Variants in DCC observed in about 807,000 individuals in gnomAD.
DCC encodes the protein netrin receptor DCC.
DCC carries 58 observed loss-of-function variants against 172.5 expected under a neutral mutation model. The ratio of observed to expected loss-of-function variants is 0.34; its 90% CI spans 0.27 to 0.42. The LOEUF (loss-of-function observed/expected upper bound fraction) is 0.42. DCC is among the 10% of genes least tolerant of loss of function. The pLI is 1.00. For synonymous variants in DCC, 709 were observed against 644.5 expected (o/e 1.10, Z -1.52); for missense variants, 1,740 against 1,791.0 (o/e 0.97, Z 0.51).
At chr18:52,397,254 G>A (rs752079774) in intron 1 of DCC, among the ~76,000 whole-genome samples, 19 of 152,066 alleles carry the variant, frequency 1.2e-4, no homozygotes, top group African/African-American at 4.1e-4. Context: ...CTCCCAAAAC[G>A]CATACTTCTA....
intron 7 of DCC, among the ~76,000 whole-genome samples, chr18:53,142,162 C>A (rs2043840567): frequency 6.6e-6 from 1 of 152,080 alleles, no homozygotes; most frequent in South Asian, 2.1e-4. Flanking sequence ...GCATTACTCC[C>A]TAGGATGAAA....
At chr18:52,974,253 C>T (rs754512610) in intron 5 of DCC, among the ~76,000 whole-genome samples, 4 of 152,236 alleles carry the variant, frequency 2.6e-5, no homozygotes, top group South Asian at 2.1e-4. Context: ...ATATTGTTCA[C>T]GTAGGTAGCA....
chr18:53,240,042 A>C (rs140055728), intron 12 of DCC, among the ~76,000 whole-genome samples: 3,347 of 139,458 alleles, frequency 0.024, 59 homozygotes, highest in Middle Eastern at 0.04. Flanking sequence ...AAAAAAAAAA[A>C]AAAAAAAACA....
At chr18:53,055,470 C>G (rs1357873491) in intron 5 of DCC, among the ~76,000 whole-genome samples, 2 of 152,056 alleles carry the variant, frequency 1.3e-5, no homozygotes, top group African/African-American at 4.8e-5. Flanking sequence ...ATAGAAAATG[C>G]TTAGAATGAA....
chr18:53,535,202 A>G lies in DCC; in HGVS notation c.*4549A>G, dbSNP rs1360493490. 1 of 152,170 alleles carries G rather than the reference A, an allele frequency of 6.6e-6. No homozygotes were observed. The highest frequency in any genetic ancestry group is 1.5e-5 in the Non-Finnish European group (1 of 68,018). 9.4% of individuals were successfully genotyped at this position (152,170 alleles called of 1,614,324 possible). A position where few individuals can be genotyped will look rare whatever the true frequency, so the allele number is the denominator to read the frequency against. ...ACTTTTTATAAGTAATATTTAATTT[A>G]TTATTTAGAGTGGCTTCTTTTTGGA... On this transcript the variant is annotated 3_prime_UTR_variant, in exon 29 of 29. Transcript: ENST00000442544.
chr18:53,462,623 T>C (rs1358323927), intron 24 of DCC, among the ~76,000 whole-genome samples: 1 of 152,100 alleles, frequency 6.6e-6, no homozygotes, highest in Non-Finnish European at 1.5e-5. Flanking sequence ...ACTTGAATCA[T>C]CCTGAAACCG....
intron 7 of DCC, among the ~76,000 whole-genome samples, chr18:53,091,098 A>C (rs554090372): frequency 6.6e-6 from 1 of 151,982 alleles, no homozygotes; most frequent in Non-Finnish European, 1.5e-5. Flanking sequence ...CCAACTCTCT[A>C]TAGCATGTGA....
chr18:53,232,042 T>C (rs908785823), intron 12 of DCC, among the ~76,000 whole-genome samples: 3 of 152,136 alleles, frequency 2.0e-5, no homozygotes, highest in Non-Finnish European at 4.4e-5. Context: ...CTTTCAGAAA[T>C]GTATATTCAA....
At chr18:52,989,872 T>C (rs1423121834) in intron 5 of DCC, among the ~76,000 whole-genome samples, 1 of 152,168 alleles carries the variant, frequency 6.6e-6, no homozygotes, top group Non-Finnish European at 1.5e-5. Context: ...ATGGGGGCTA[T>C]GGCTACAGCT....
intron 12 of DCC, among the ~76,000 whole-genome samples, chr18:53,288,196 A>G (rs1045391171): frequency 3.3e-5 from 5 of 152,144 alleles, no homozygotes; most frequent in African/African-American, 1.2e-4. Flanking sequence ...GACAATGACT[A>G]TTGACTAGTC....
chr18:53,072,422 C>G (rs539220452), intron 7 of DCC, among the ~76,000 whole-genome samples: 1 of 152,106 alleles, frequency 6.6e-6, no homozygotes, highest in Non-Finnish European at 1.5e-5. Context: ...TATTAGTTAT[C>G]TCTGAGTTTC....
intron 12 of DCC, among the ~76,000 whole-genome samples, chr18:53,235,404 A>G (rs2056186535): frequency 6.6e-6 from 1 of 152,108 alleles, no homozygotes; most frequent in African/African-American, 2.4e-5. Flanking sequence ...CTTTTGTCTG[A>G]GTAGAGTTAC....
At chr18:53,499,851 C>T (rs932909405) in intron 27 of DCC, among the ~76,000 whole-genome samples, 1 of 152,026 alleles carries the variant, frequency 6.6e-6, no homozygotes, top group Non-Finnish European at 1.5e-5. Flanking sequence ...GAGTTCTAAG[C>T]GTTAAAGCTA....
chr18:53,033,056 G>A (rs1414595002), intron 5 of DCC, among the ~76,000 whole-genome samples: 2 of 152,058 alleles, frequency 1.3e-5, no homozygotes, highest in African/African-American at 2.4e-5. Context: ...GAAAGTTAGC[G>A]CTGGTTCTGT....
intron 12 of DCC, among the ~76,000 whole-genome samples, chr18:53,226,003 A>T (rs8098405): frequency 1.3e-5 from 2 of 151,948 alleles, no homozygotes; most frequent in Non-Finnish European, 2.9e-5. Flanking sequence ...TAACAGAAAA[A>T]TAGTAAGGCC....
At chr18:52,917,129 A>C (rs1231069970) in intron 3 of DCC, among the ~76,000 whole-genome samples, 27 of 146,442 alleles carry the variant, frequency 1.8e-4, no homozygotes, top group African/African-American at 7.2e-4. Context: ...AAAAAAAAAA[A>C]AAGAAAACAA....
At chr18:52,587,173 G>T (rs1873685891) in intron 1 of DCC, among the ~76,000 whole-genome samples, 1 of 152,194 alleles carries the variant, frequency 6.6e-6, no homozygotes, top group African/African-American at 2.4e-5. Flanking sequence ...CCTGAGGAAT[G>T]GTGCTATATC....
Position 53,339,828 on chromosome 18 carries a change from C to T in DCC, c.2280C>T (p.Ile760=), listed in dbSNP as rs201276568. The T allele has an allele frequency of 2.8e-5, 45 of 1,613,920 alleles. No individual in the cohort carries two copies. In the Middle Eastern group the frequency reaches 6.6e-4, roughly 24 times the overall value. The part of the protein sequence containing the change: ...NPNIVVRGYI[I]GYGVGSPYAE... ...ACATCGTGGTGCGAGGTTATATTAT[C>T]GGTTATGGCGTTGGGAGCCCTTACG... Residue 760 remains isoleucine, a synonymous_variant, in exon 15 of 29, where the codon ATC becomes ATT. Transcript: ENST00000442544.
chr18:53,077,004 G>A (rs1038524566), intron 7 of DCC, among the ~76,000 whole-genome samples: 1 of 152,134 alleles, frequency 6.6e-6, no homozygotes, highest in Admixed American at 6.5e-5. Flanking sequence ...GATGTCAACA[G>A]GCTGAATTGT....
Sources: gnomAD v4.1 joint callset for allele counts (sites outside exome capture counted in the v4.1 genomes callset) on GRCh38, gnomAD v4.1.1 for gene constraint, MANE v1.5 for transcripts, NCBI Gene and HGNC (gene_info 2026-07-23, HGNC 2026-07-21) for gene names.